The following GLB1 variants were observed in gnomAD, a reference collection of about 807,000 sequenced individuals.
GLB1 encodes the protein beta-galactosidase.
GLB1 carries 56 observed loss-of-function variants against 74.0 expected under a neutral mutation model. The observed-to-expected ratio is 0.76, with a 90% CI of 0.61 to 0.94. The LOEUF (loss-of-function observed/expected upper bound fraction) is 0.94, where lower values mean the gene tolerates loss of function less well. Among genes scored for constraint, GLB1 ranks in the 40% least tolerant of loss-of-function variants. The probability of loss-of-function intolerance (pLI) is 0.00; values close to 1 mark genes in which losing one functional copy is unlikely to be tolerated. For synonymous variants in GLB1, 323 were observed against 323.6 expected (o/e 1.00, Z 0.02); for missense variants, 787 against 845.5 (o/e 0.93, Z 0.86).
At chr3:33,067,388 T>C (rs1353371218) in intron 4 of GLB1, among the ~76,000 whole-genome samples, 1 of 149,844 alleles carries the variant, frequency 6.7e-6, no homozygotes, top group African/African-American at 2.6e-5. Context: ...AGTCTCAACC[T>C]CCCAGGCTCA....
In GLB1 at chr3:33,013,562, C is replaced by T. The variant is rs533037307; in HGVS notation, c.1734+494G>A. ...AGGAAGATATGCCAATGTCTTCAAACGACAAGGCGGAGTGACTGGGAAGTG... is the reference window on the plus strand; with the variant it reads ...AGGAAGATATGCCAATGTCTTCAAATGACAAGGCGGAGTGACTGGGAAGTG... On this transcript the variant is annotated intron_variant, in intron 15 of 15. Transcript: ENST00000307363. Among the ~76,000 whole-genome samples, 32 of 152,066 alleles carry T rather than the reference C, an allele frequency of 2.1e-4. No individual in the cohort carries two copies. In the South Asian group the frequency reaches 6.4e-3, roughly 31 times the overall value.
the GLB1 span, among the ~76,000 whole-genome samples, chr3:32,976,163 A>G: frequency 6.6e-6 from 1 of 152,116 alleles, no homozygotes; most frequent in Non-Finnish European, 1.5e-5. Flanking sequence ...CCATCCAACC[A>G]TGAAGTCACC....
At chr3:33,074,387 AGG>A (rs1245842004) in intron 1 of GLB1, among the ~76,000 whole-genome samples, 3 of 121,282 alleles carry the variant, frequency 2.5e-5, no homozygotes, top group African/African-American at 8.3e-5. Context: ...GAAGGAAGGA[AGG>A]AAGAAAGAAA....
At chr3:32,968,437 T>C in the GLB1 span, among the ~76,000 whole-genome samples, 1 of 151,732 alleles carries the variant, frequency 6.6e-6, no homozygotes, top group Non-Finnish European at 1.5e-5. Flanking sequence ...GGGTATAAAG[T>C]GTCAAGAAAA....
intron 10 of GLB1, chr3:33,030,864 G>A: frequency 1.0e-6 from 1 of 975,636 alleles, no homozygotes; most frequent in Non-Finnish European, 1.2e-6. Flanking sequence ...TGATTTGACA[G>A]CATACAAAAA....
chr3:33,078,713 G>GATAATCA (rs1244045078), intron 1 of GLB1, among the ~76,000 whole-genome samples: 2 of 152,224 alleles, frequency 1.3e-5, no homozygotes, highest in Non-Finnish European at 2.9e-5. Flanking sequence ...ATCATTATAT[G>GATAATCA]TGATATGATA....
chr3:33,074,900 G>A (rs1700053826), intron 1 of GLB1, among the ~76,000 whole-genome samples: 3 of 152,184 alleles, frequency 2.0e-5, no homozygotes. Flanking sequence ...CAACTGGCGA[G>A]CGGAAGTTAA....
At chr3:32,997,860 G>A (rs1240536462) in intron 15 of GLB1, among the ~76,000 whole-genome samples, 1 of 152,234 alleles carries the variant, frequency 6.6e-6, no homozygotes, top group East Asian at 1.9e-4. Context: ...GGTGAACACA[G>A]GGAACAGAGG....
intron 9 of GLB1, among the ~76,000 whole-genome samples, chr3:33,048,632 C>T (rs1200753147): frequency 1.3e-5 from 2 of 152,158 alleles, no homozygotes; most frequent in Admixed American, 6.5e-5. Context: ...TGAAGAACAG[C>T]TGCTAAGTAC....
intron 10 of GLB1, among the ~76,000 whole-genome samples, chr3:33,025,318 A>G (rs1007665771): frequency 6.6e-6 from 1 of 152,326 alleles, no homozygotes; most frequent in East Asian, 1.9e-4. Flanking sequence ...TTCAAAATAA[A>G]TCCTTATTAA....
intron 12 of GLB1, 179 bp downstream of exon 12, chr3:33,021,387 G>A (rs1697473162): frequency 2.8e-6 from 2 of 714,026 alleles, no homozygotes; most frequent in South Asian, 1.7e-5. Context: ...GGCATGATCA[G>A]CCCACCACGC....
At chr3:33,096,482 C>CG (rs1300300774) in intron 1 of GLB1, 3 of 984,884 alleles carry the variant, frequency 3.0e-6, no homozygotes, top group Non-Finnish European at 3.6e-6. Context: ...GGGCAGGCGA[C>CG]GGGGAGTGGT....
chr3:33,068,348 G>C, intron 3 of GLB1, 58 bp from the exon 4 acceptor site: 1 of 1,606,656 alleles, frequency 6.2e-7, no homozygotes. Context: ...GCTCAGAGGA[G>C]ATAGAAATTA....
chr3:32,971,551 A>C, the GLB1 span, among the ~76,000 whole-genome samples: 1 of 152,220 alleles, frequency 6.6e-6, no homozygotes, highest in Non-Finnish European at 1.5e-5. Context: ...GCCACAAGAT[A>C]ACTTCACTTC....
At chr3:33,009,958 T>C (rs1003788992) in intron 15 of GLB1, among the ~76,000 whole-genome samples, 26 of 152,270 alleles carry the variant, frequency 1.7e-4, no homozygotes, top group Non-Finnish European at 3.5e-4. Flanking sequence ...TTCCTTTTTA[T>C]TGAGGAATCG....
chr3:33,077,270 G>A (rs1249430882), intron 1 of GLB1: 2 of 1,571,362 alleles, frequency 1.3e-6, no homozygotes, highest in Non-Finnish European at 8.6e-7. Flanking sequence ...TTTGAAGGTG[G>A]CAGGGCAGGA....
At chr3:33,088,554 G>T (rs945578485) in intron 1 of GLB1, among the ~76,000 whole-genome samples, 2 of 151,862 alleles carry the variant, frequency 1.3e-5, no homozygotes, top group African/African-American at 4.8e-5. Flanking sequence ...GCATCAAAAA[G>T]AATAAAATAC....
chr3:32,981,817 A>AC, the GLB1 span, among the ~76,000 whole-genome samples: 1 of 152,100 alleles, frequency 6.6e-6, no homozygotes, highest in African/African-American at 2.4e-5. Flanking sequence ...TAACAAAGTT[A>AC]CGTCAGTTTG....
chr3:33,023,000 G>A lies in GLB1; in HGVS notation c.1143+1251C>T, dbSNP rs115230839. On this transcript the variant is annotated intron_variant, in intron 11 of 15. Transcript: ENST00000307363. ...CTGAACACTAAGAAATTCAACTCAC[G>A]GTAAAAACTTATTTTCTATATAACT... Among the ~76,000 whole-genome samples, 1,500 of 152,156 alleles carry A rather than the reference G, an allele frequency of 9.9e-3. 10 individuals carry two copies. Among genetic ancestry groups the A allele is most frequent in the Non-Finnish European group, 0.017 (1,142 of 67,994 alleles).
Sources: allele counts gnomAD v4.1 joint callset (sites outside exome capture counted in the v4.1 genomes callset), GRCh38; gene constraint gnomAD v4.1.1; transcripts MANE v1.5; gene names NCBI Gene and HGNC (gene_info 2026-07-23, HGNC 2026-07-21).